The following CCNK variants were observed in gnomAD, a reference collection of about 807,000 sequenced individuals.
CCNK encodes the protein cyclin K.
CCNK carries 9 observed loss-of-function variants against 65.0 expected under a neutral mutation model. That is an observed-to-expected ratio of 0.14 (90% confidence interval 0.08 to 0.24). The LOEUF (loss-of-function observed/expected upper bound fraction) is 0.24. CCNK is among the 10% of genes least tolerant of loss of function. CCNK has a pLI of 1.00. For missense variants in CCNK, 474 were observed against 720.0 expected (o/e 0.66, Z 3.91); for synonymous variants, 279 against 270.8 (o/e 1.03, Z -0.30).
intron 1 of CCNK, among the ~76,000 whole-genome samples, chr14:99,482,465 G>A (rs1896367845): frequency 6.6e-6 from 1 of 152,220 alleles, no homozygotes; most frequent in Non-Finnish European, 1.5e-5. Context: ...AGTGGTAGTA[G>A]TATTGATAGA....
rs149147796 is a variant in CCNK at position 99,503,154 on chromosome 14, C to T, written c.1011+170C>T. 1,334 of 793,646 alleles carry T rather than the reference C, an allele frequency of 1.7e-3. 9 individuals carry two copies. In the African/African-American group the frequency reaches 0.02, roughly 12 times the overall value. The allele number at this position is 793,646 out of a possible 1,614,324, so 49.2% of individuals were successfully genotyped here. ...TGGGGAGCCTGAAAACAAAGGTGCT[C>T]CAAGGACAGGCTGCCTCTGAGAACC... On this transcript the variant is annotated intron_variant, in intron 8 of 10. Transcript: ENST00000389879.
chr14:99,482,793 T>G lies in CCNK; in HGVS notation c.-53+1314T>G, dbSNP rs3918042. On this transcript the variant is annotated intron_variant, in intron 1 of 10. Transcript: ENST00000389879. ...TAAAATTGAATGTCATAAAGAAAAA[T>G]TGGTCATAGCTGTGGCCTATAAAAT... Among the ~76,000 whole-genome samples the G allele has an allele frequency of 6.2e-3, 950 of 152,292 alleles. 17 individuals are homozygous for G. The highest frequency in any genetic ancestry group is 0.022 in the African/African-American group (897 of 41,564).
chr14:99,503,416 G>A, intron 8 of CCNK, 195 bp from the exon 9 acceptor site: 1 of 606,930 alleles, frequency 1.6e-6, no homozygotes, highest in Non-Finnish European at 2.9e-6. Flanking sequence ...TTGGTAAATG[G>A]AAAGAGGAAG....
intron 1 of CCNK, among the ~76,000 whole-genome samples, chr14:99,482,596 T>TC (rs1896374114): frequency 6.6e-6 from 1 of 152,238 alleles, no homozygotes. Flanking sequence ...AGGGTTTTTT[T>TC]CCCTCTTTTA....
Position 99,485,956 on chromosome 14 carries a change from A to G in CCNK, c.-53+4477A>G, listed in dbSNP as rs1386663333. Among the ~76,000 whole-genome samples the G allele has an allele frequency of 3.3e-5, 5 of 152,332 alleles. No homozygotes were observed. The South Asian group carries it at 1.0e-3, about 32-fold the overall frequency. On this transcript the variant is annotated intron_variant, in intron 1 of 10. Transcript: ENST00000389879. Reference sequence around the variant, plus strand: ...CCTTCTGCCCTATTGCACTTCTAAAAATGTTATTTTATTTATATGTGTATA... The same window carrying G: ...CCTTCTGCCCTATTGCACTTCTAAAGATGTTATTTTATTTATATGTGTATA...
At chr14:99,483,608 G>A (rs910163441) in intron 1 of CCNK, among the ~76,000 whole-genome samples, 3 of 152,196 alleles carry the variant, frequency 2.0e-5, no homozygotes, top group African/African-American at 7.2e-5. Flanking sequence ...CTAGACTGGT[G>A]GTGATTGGGG....
At chr14:99,485,824 C>A (rs766471543) in intron 1 of CCNK, among the ~76,000 whole-genome samples, 1 of 152,008 alleles carries the variant, frequency 6.6e-6, no homozygotes, top group African/African-American at 2.4e-5. Context: ...TGCATTCCAG[C>A]CTGGATGACA....
In CCNK at chr14:99,510,189, G is replaced by A; in HGVS notation, c.1150G>A (p.Glu384Lys). The A allele has an allele frequency of 6.3e-7, 1 of 1,598,874 alleles. No homozygotes were observed. Among genetic ancestry groups the A allele is most frequent in the Non-Finnish European group, 8.5e-7 (1 of 1,175,944 alleles). Residue 384 changes from glutamate (E) to lysine (K), a missense_variant, in exon 11 of 11, where the codon GAG becomes AAG. Physicochemically the swap from Glu to Lys is moderately conservative, Grantham distance 56. Around this residue, in one of 6 missense-constraint regions of CCNK, gnomAD observed 229 missense variants for 275.5 expected, o/e 0.83. Transcript: ENST00000389879. Reference protein sequence around the residue: ...RKPPLAAALGEAEPPGPVDAT... With the variant: ...RKPPLAAALGKAEPPGPVDAT... Reference sequence around the variant, plus strand: ...GCCTCCCCTCGCTGCTGCCTTAGGTGAGGCTGAGCCGCCGGGCCCTGTGGA... The same window carrying A: ...GCCTCCCCTCGCTGCTGCCTTAGGTAAGGCTGAGCCGCCGGGCCCTGTGGA...
chr14:99,488,671 A>G (rs1022742266), intron 1 of CCNK, among the ~76,000 whole-genome samples: 7 of 152,202 alleles, frequency 4.6e-5, no homozygotes, highest in Admixed American at 1.3e-4. Context: ...TTTGTTAAGG[A>G]TCAACTGTAT....
chr14:99,511,104 G>A lies in CCNK; in HGVS notation c.*322G>A, dbSNP rs867332738. ...CCATATTGGCTCAATAAATAGCTTC[G>A]GTAAGGAGTTAATTTCCTTCTAGAA... On this transcript the variant is annotated 3_prime_UTR_variant, in exon 11 of 11. Coordinates refer to ENST00000389879, the MANE Select transcript of CCNK (RefSeq NM_001099402.2). 7 of 206,488 alleles carry A rather than the reference G, an allele frequency of 3.4e-5. No homozygotes were observed. The highest frequency in any genetic ancestry group is 1.6e-3 in the Middle Eastern group (1 of 642). The allele number at this position is 206,488 out of a possible 1,614,324, so 12.8% of individuals were successfully genotyped here. A position where few individuals can be genotyped will look rare whatever the true frequency, so the allele number is the denominator to read the frequency against.
chr14:99,509,734 G>C (rs1897072189), intron 10 of CCNK: 1 of 207,718 alleles, frequency 4.8e-6, no homozygotes, highest in African/African-American at 2.3e-5. Flanking sequence ...GACTAACTCT[G>C]AGGTTTTCTG....
intron 4 of CCNK, among the ~76,000 whole-genome samples, 170 bp downstream of exon 4, chr14:99,495,799 C>G (rs1173935270): frequency 1.3e-5 from 2 of 152,088 alleles, no homozygotes; most frequent in African/African-American, 2.4e-5. Flanking sequence ...GAGGGAAGAT[C>G]GTGTAGCCTA....
chr14:99,510,562 C>G lies in CCNK; in HGVS notation c.1523C>G (p.Pro508Arg). 2.5e-6 allele frequency: 1 copy of G among 402,516 alleles called. No homozygotes were observed. Among genetic ancestry groups the G allele is most frequent in the South Asian group, 1.9e-5 (1 of 51,522 alleles). 24.9% of individuals were successfully genotyped at this position (402,516 alleles called of 1,614,324 possible). ...CCACCCCCTACTCCTGGCTACCCCC[C>G]ACCCCCACCCACCTACAACCCCAAC... ...AIPPPTPGYP[P>R]PPPTYNPNFP... The change falls in exon 11 of 11, where the codon CCA (proline) becomes CGA (arginine). Residue 508 changes from proline (P) to arginine (R), a missense_variant. By Grantham distance (103) the Pro-to-Arg change is moderately radical (BLOSUM62 -2). Coordinates refer to ENST00000389879, the MANE Select transcript of CCNK (RefSeq NM_001099402.2).
At position 99,506,986 on chromosome 14, in the gene CCNK, A is replaced by G. The variant is rs952625910; in HGVS notation, c.1046-90A>G. 1.2e-5 allele frequency: 10 copies of G among 853,550 alleles called. No individual in the cohort carries two copies. The East Asian group carries it at 1.5e-4, about 12-fold the overall frequency. 52.9% of individuals were successfully genotyped at this position (853,550 alleles called of 1,614,324 possible). On this transcript the variant is annotated intron_variant, in intron 9 of 10. Transcript: ENST00000389879. Reference sequence around the variant, plus strand: ...GGTCATCTCTGTTGTTTTTCTCCCAAAGAAATCTCTGCCAGTACATTTTTC... The same window carrying G: ...GGTCATCTCTGTTGTTTTTCTCCCAGAGAAATCTCTGCCAGTACATTTTTC...
intron 4 of CCNK, among the ~76,000 whole-genome samples, chr14:99,499,620 T>G (rs973991667): frequency 3.3e-5 from 5 of 152,164 alleles, no homozygotes; most frequent in African/African-American, 1.2e-4. Flanking sequence ...ACACAGTGTC[T>G]TGGTTGTGGT....
chr14:99,502,090 T>G, intron 6 of CCNK, 117 bp from the exon 7 acceptor site: 1 of 1,125,594 alleles, frequency 8.9e-7, no homozygotes, highest in Non-Finnish European at 1.2e-6. Flanking sequence ...TATAGTACTT[T>G]AATTAAATTT....
intron 10 of CCNK, chr14:99,507,469 A>G (rs1897003983): frequency 3.3e-6 from 1 of 301,762 alleles, no homozygotes; most frequent in Admixed American, 4.6e-5. Flanking sequence ...GGAGTCTGAG[A>G]TGGGAAGATC....
intron 1 of CCNK, among the ~76,000 whole-genome samples, chr14:99,485,225 T>C (rs1346579690): frequency 6.6e-6 from 1 of 152,188 alleles, no homozygotes; most frequent in Admixed American, 6.5e-5. Context: ...TTACAGAAGG[T>C]AAAACAATTG....
chr14:99,509,353 A>C (rs1172143027), intron 10 of CCNK: 1 of 152,262 alleles, frequency 6.6e-6, no homozygotes, highest in African/African-American at 2.4e-5. Flanking sequence ...ATCACAGGCC[A>C]AAACATGTTA....
Sources: gnomAD v4.1 joint callset for allele counts (sites outside exome capture counted in the v4.1 genomes callset) on GRCh38, gnomAD v4.1.1 for gene constraint, gnomAD v4.1.1 regional missense constraint, MANE v1.5 for transcripts, NCBI Gene and HGNC (gene_info 2026-07-23, HGNC 2026-07-21) for gene names.